APOB: variants seen among roughly 807,000 people sequenced by gnomAD.
The protein encoded by APOB is apolipoprotein B.
APOB carries 153 observed loss-of-function variants against 314.1 expected under a neutral mutation model. The observed-to-expected ratio is 0.49, with a 90% CI of 0.43 to 0.56. The LOEUF (loss-of-function observed/expected upper bound fraction) is 0.56. Among genes scored for constraint, APOB ranks in the 20% least tolerant of loss-of-function variants. APOB has a pLI of 0.00. For synonymous variants in APOB, 2,087 were observed against 2,036.4 expected, an observed-to-expected ratio of 1.02 and a Z score of -0.67; for missense variants, 5,430 against 5,350.7, an observed-to-expected ratio of 1.01 and a Z score of -0.46.
intron 2 of APOB, among the ~76,000 whole-genome samples, chr2:21,042,773 G>C (rs1202373210): frequency 2.6e-5 from 4 of 151,880 alleles, no homozygotes; most frequent in Non-Finnish European, 4.4e-5. Flanking sequence ...GAGACCCTCT[G>C]GCAAATTAAG....
rs1458905435 is a variant in APOB at position 21,024,734 on chromosome 2, A to G, written c.2436+199T>C. ...CTTAAAAATACAGCTAACATTATGA[A>G]TAGCTTAATTTCTAAATGTTAACAT... is the stretch of plus-strand genomic sequence containing the variant. On this transcript the variant is annotated intron_variant, in intron 16 of 28. Coordinates refer to ENST00000233242, the MANE Select transcript of APOB (RefSeq NM_000384.3). The G allele has an allele frequency of 7.0e-6, 5 of 718,412 alleles. No individual in the cohort carries two copies. The East Asian group carries it at 1.3e-4, about 19-fold the overall frequency. The allele number at this position is 718,412 out of a possible 1,614,324, so 44.5% of individuals were successfully genotyped here.
At position 21,014,610 on chromosome 2, in the gene APOB, G is replaced by A. The variant is rs762078327; in HGVS notation, c.3697-17C>T. On this transcript the variant is annotated splice_polypyrimidine_tract_variant and intron_variant, in intron 23 of 28. Transcript: ENST00000233242. ...GCTCATTGCCTACAAAATGACAGGA[G>A]ATTTTTAAGGTAATGGGCTTGGATG... 8.1e-6 allele frequency: 13 copies of A among 1,613,768 alleles called. No homozygotes were observed. In the African/African-American group the frequency reaches 1.7e-4, roughly 22 times the overall value.
Position 21,005,480 on chromosome 2 carries a change from C to T in APOB, c.11388G>A (p.Val3796=), listed in dbSNP as rs751045941. Residue 3796 remains valine, a synonymous_variant, in exon 26 of 29, where the codon GTG becomes GTA. Transcript: ENST00000233242. Reference sequence around the variant, plus strand: ...CTTCTGGTTGAGAATATTTTGTTAACACATCAACTTCAGGGAATTTTACCT... The same window carrying T: ...CTTCTGGTTGAGAATATTTTGTTAATACATCAACTTCAGGGAATTTTACCT... ...LPEVKFPEVD[V]LTKYSQPEDS... 1.2e-6 allele frequency: 2 copies of T among 1,613,940 alleles called. No individual in the cohort carries two copies. The highest frequency in any genetic ancestry group is 1.7e-5 in the Admixed American group (1 of 59,984).
In APOB at chr2:21,028,308, G is replaced by T; in HGVS notation, c.1829+19C>A. On this transcript the variant is annotated intron_variant, in intron 13 of 28. Coordinates refer to ENST00000233242, the MANE Select transcript of APOB (RefSeq NM_000384.3). ...CTCAGGGCCCTCAGTGGTATATGGG[G>T]TGAATAGCTCTTACTTACTCTTGGA... is the stretch of plus-strand genomic sequence containing the variant. 1 of 1,596,428 alleles carries T rather than the reference G, an allele frequency of 6.3e-7. No homozygotes were observed. The highest frequency in any genetic ancestry group is 8.6e-7 in the Non-Finnish European group (1 of 1,163,884).
At chr2:21,027,795 T>G in intron 14 of APOB, 33 bp downstream of exon 14, 1 of 1,524,320 alleles carries the variant, frequency 6.6e-7, no homozygotes, top group Non-Finnish European at 9.1e-7. Flanking sequence ...CTGTACAAAA[T>G]GGGCTAGAGA....
At chr2:21,039,870 T>C (rs910460291) in intron 4 of APOB, among the ~76,000 whole-genome samples, 3 of 152,146 alleles carry the variant, frequency 2.0e-5, no homozygotes, top group Admixed American at 1.3e-4. Flanking sequence ...GAAAGAAGCC[T>C]CACAGCCTAT....
rs781670410 is a variant in APOB at position 21,016,466 on chromosome 2, G to A, written c.3305C>T (p.Thr1102Ile). ...TAGGTGGCCCATGAGGGCGACCTCA[G>A]TAATTTTCTTGTTCTGAATGTCCAG... The part of the protein sequence containing the change: ...LTLDIQNKKI[T>I]EVALMGHLSC... Residue 1102 changes from threonine (T) to isoleucine (I), a missense_variant, in exon 21 of 29, where the codon ACT (threonine) becomes ATT (isoleucine). Physicochemically the swap from Thr to Ile is moderately conservative, Grantham distance 89 (BLOSUM62 -1). Coordinates refer to ENST00000233242, the MANE Select transcript of APOB (RefSeq NM_000384.3). The A allele has an allele frequency of 6.2e-7, 1 of 1,610,364 alleles. No homozygotes were observed. Among genetic ancestry groups the A allele is most frequent in the East Asian group, 2.2e-5 (1 of 44,858 alleles).
rs1456580375 is a variant in APOB, at chr2:21,043,899, G to A, written c.47C>T (p.Ala16Val). The change falls in exon 1 of 29, where the codon GCG (alanine) becomes GTG (valine). Residue 16 changes from alanine (A) to valine (V), a missense_variant. By Grantham distance (64) the Ala-to-Val change is moderately conservative. Coordinates refer to ENST00000233242, the MANE Select transcript of APOB (RefSeq NM_000384.3). ...PALLALLALP[A>V]LLLLLLAGAR... ...GCCCGCCAGCAGCAGCAGCAGCAGC[G>A]CAGGCAGCGCCAGCAGCGCCAGCAG... 2.1e-6 allele frequency: 3 copies of A among 1,428,806 alleles called. No homozygotes were observed. The highest frequency in any genetic ancestry group is 1.8e-6 in the Non-Finnish European group (2 of 1,093,604). 88.5% of individuals were successfully genotyped at this position (1,428,806 alleles called of 1,614,324 possible).
At position 21,031,201 on chromosome 2, in the gene APOB, C is replaced by G. The variant is rs750202255; in HGVS notation, c.1352+1153G>C. Among the ~76,000 whole-genome samples, 11 of 152,186 alleles carry G rather than the reference C, an allele frequency of 7.2e-5. No homozygotes were observed. The East Asian group carries it at 1.2e-3, about 16-fold the overall frequency. On this transcript the variant is annotated intron_variant, in intron 10 of 28. Transcript: ENST00000233242. ...ACAATAGCAAAGACATGGAATCAAC[C>G]TAAGTGTCTATCAATGGACGATTGG...
chr2:21,027,353 C>T (rs1377800357), intron 14 of APOB, among the ~76,000 whole-genome samples: 1 of 141,398 alleles, frequency 7.1e-6, no homozygotes, highest in East Asian at 2.0e-4. Flanking sequence ...GCTCTGTCGC[C>T]CAGGCTGGAG....
chr2:21,012,798 C>G, intron 25 of APOB, 147 bp from the exon 26 acceptor site: 1 of 933,854 alleles, frequency 1.1e-6, no homozygotes, highest in Non-Finnish European at 1.6e-6. Context: ...AAGATAAAAT[C>G]TGATAGCAAA....
rs1368860478 is a variant in APOB at position 21,006,788 on chromosome 2, T to C, written c.10080A>G (p.Ser3360=). The change falls in exon 26 of 29, where the codon TCA becomes TCG. Residue 3360 remains serine (S), a synonymous_variant. Coordinates refer to ENST00000233242, the MANE Select transcript of APOB (RefSeq NM_000384.3). ...AAGAAAGGAGATGAGCAACAATATC[T>C]GACTGGTTAAAAAGTTCAGCATTGG... is the stretch of plus-strand genomic sequence containing the variant. ...LNTNAELFNQ[S]DIVAHLLSSS... 1 of 1,614,102 alleles carries C rather than the reference T, an allele frequency of 6.2e-7. No homozygotes were observed. The highest frequency in any genetic ancestry group is 8.5e-7 in the Non-Finnish European group (1 of 1,179,962).
In APOB at chr2:21,011,011, G is replaced by T; in HGVS notation, c.5857C>A (p.His1953Asn). Residue 1953 changes from histidine (H) to asparagine (N), a missense_variant, in exon 26 of 29, where the codon CAT becomes AAT. His to Asn is a moderately conservative substitution (Grantham distance 68). This residue lies in a region of APOB where 3,281 missense variants were observed against 3,171.0 expected (regional missense o/e 1.03). Coordinates refer to ENST00000233242, the MANE Select transcript of APOB (RefSeq NM_000384.3). ...CTGATGCTTTTCCTAGACACGAGATGATGACTTGTGGAGCCTTTGTAATCA... is the reference window on the plus strand; with the variant it reads ...CTGATGCTTTTCCTAGACACGAGATTATGACTTGTGGAGCCTTTGTAATCA... ...SHDYKGSTSH[H>N]LVSRKSISAA... is the part of the protein sequence containing the mutation. The T allele has an allele frequency of 1.2e-6, 2 of 1,614,162 alleles. No individual in the cohort carries two copies. Among genetic ancestry groups the T allele is most frequent in the Non-Finnish European group, 1.7e-6 (2 of 1,180,014 alleles).
intron 7 of APOB, 120 bp downstream of exon 7, chr2:21,035,464 T>C: frequency 4.4e-6 from 6 of 1,359,886 alleles, no homozygotes; most frequent in Non-Finnish European, 6.2e-6. Context: ...AGGGGCGGCA[T>C]TTTATCCCTC....
intron 4 of APOB, 70 bp from the exon 5 acceptor site, chr2:21,038,181 G>C (rs1664051735): frequency 6.5e-7 from 1 of 1,548,498 alleles, no homozygotes; most frequent in Middle Eastern, 2.3e-4. Context: ...AAGCTGGGTG[G>C]CACTGAAGTT....
intron 20 of APOB, among the ~76,000 whole-genome samples, chr2:21,018,422 A>T (rs1663526822): frequency 6.6e-6 from 1 of 152,048 alleles, no homozygotes; most frequent in South Asian, 2.1e-4. Flanking sequence ...CTCTGTCCTC[A>T]TCTTCTACCT....
chr2:21,034,534 C>G (rs948747736), intron 8 of APOB, among the ~76,000 whole-genome samples: 2 of 152,224 alleles, frequency 1.3e-5, no homozygotes, highest in Non-Finnish European at 2.9e-5. Context: ...GATCTTATCA[C>G]AGGATGGGTG....
Position 21,037,134 on chromosome 2 carries a change from G to C in APOB, c.659C>G (p.Thr220Arg). Residue 220 changes from threonine (T) to arginine (R), a missense_variant, in exon 6 of 29, where the codon ACA (threonine) becomes AGA (arginine). Thr to Arg is a moderately conservative substitution (Grantham distance 71). Transcript: ENST00000233242. Reference protein sequence around the residue: ...GQCDRFKPIRTGISPLALIKG... With the variant: ...GQCDRFKPIRRGISPLALIKG... Reference sequence around the variant, plus strand: ...GATGAGAGCAAGTGGGCTGATGCCTGTGCGGATGGGCTTGAAGCGATCACA... The same window carrying C: ...GATGAGAGCAAGTGGGCTGATGCCTCTGCGGATGGGCTTGAAGCGATCACA... The C allele has an allele frequency of 6.2e-7, 1 of 1,614,244 alleles. No homozygotes were observed. Among genetic ancestry groups the C allele is most frequent in the Non-Finnish European group, 8.5e-7 (1 of 1,180,050 alleles).
intron 1 of APOB, 89 bp downstream of exon 1, chr2:21,043,775 T>G: frequency 6.6e-7 from 1 of 1,515,914 alleles, no homozygotes; most frequent in Non-Finnish European, 8.8e-7. Context: ...CTGCCCTCCC[T>G]CTGGCCTAGG....
Sources: gnomAD v4.1 joint callset for allele counts (sites outside exome capture counted in the v4.1 genomes callset) on GRCh38, gnomAD v4.1.1 for gene constraint, gnomAD v4.1.1 regional missense constraint, MANE v1.5 for transcripts, NCBI Gene and HGNC (gene_info 2026-07-23, HGNC 2026-07-21) for gene names.